The following DPY19L1 variants were observed in gnomAD, a reference collection of about 807,000 sequenced individuals.
DPY19L1 encodes protein C-mannosyl-transferase DPY19L1.
Under a neutral mutation model 96.9 loss-of-function variants are expected in DPY19L1, and 35 were observed. The observed-to-expected ratio is 0.36, with a 90% CI of 0.28 to 0.48. DPY19L1 has a LOEUF of 0.48. Among genes scored for constraint, DPY19L1 ranks in the 20% least tolerant of loss-of-function variants. DPY19L1 has a pLI of 0.99. For synonymous variants in DPY19L1, 205 were observed against 252.6 expected (o/e 0.81, Z 1.79); for missense variants, 521 against 777.9 (o/e 0.67, Z 3.93).
chr7:35,028,295 A>C (rs1441275661), intron 1 of DPY19L1, among the ~76,000 whole-genome samples: 6 of 152,220 alleles, frequency 3.9e-5, no homozygotes, highest in Admixed American at 1.3e-4. Flanking sequence ...AAATCACAAG[A>C]GCATCAAGGA....
Position 34,940,343 on chromosome 7 carries a change from G to T in DPY19L1, c.1690-16C>A, listed in dbSNP as rs1418677972. The stretch of plus-strand genomic sequence containing the variant: ...ATCCAAATAGCTGAAACCAAATTAA[G>T]AATACATTGGTAATTGTTAGTATAA... On this transcript the variant is annotated splice_polypyrimidine_tract_variant and intron_variant, in intron 18 of 21. Coordinates refer to ENST00000638088, the MANE Select transcript of DPY19L1 (RefSeq NM_001366673.1). 8.8e-6 allele frequency: 14 copies of T among 1,598,722 alleles called. No homozygotes were observed. The highest frequency in any genetic ancestry group is 1.1e-5 in the South Asian group (1 of 88,332).
chr7:34,964,759 G>C lies in DPY19L1; in HGVS notation c.1092+2135C>G, dbSNP rs1784575272. Among the ~76,000 whole-genome samples, 3 of 152,270 alleles carry C rather than the reference G, an allele frequency of 2.0e-5. No homozygotes were observed. In the South Asian group the frequency reaches 6.2e-4, roughly 32 times the overall value. On this transcript the variant is annotated intron_variant, in intron 10 of 21. Coordinates refer to ENST00000638088, the MANE Select transcript of DPY19L1 (RefSeq NM_001366673.1). ...GAAGTCAGCTTAAATAGTTGGACAAGTGTGGAACAATTGGAGCATCAACAT... is the reference window on the plus strand; with the variant it reads ...GAAGTCAGCTTAAATAGTTGGACAACTGTGGAACAATTGGAGCATCAACAT...
chr7:35,021,058 T>C (rs971066585), intron 1 of DPY19L1, among the ~76,000 whole-genome samples: 5 of 152,224 alleles, frequency 3.3e-5, no homozygotes, highest in African/African-American at 1.2e-4. Context: ...ATTTTGTTCC[T>C]GTTTTATAAT....
intron 1 of DPY19L1, among the ~76,000 whole-genome samples, chr7:35,026,020 C>CTTAAA (rs1449659189): frequency 6.6e-6 from 1 of 152,082 alleles, no homozygotes; most frequent in Non-Finnish European, 1.5e-5. Flanking sequence ...TCATCAGTGG[C>CTTAAA]ACTAAAGATA....
intron 16 of DPY19L1, among the ~76,000 whole-genome samples, chr7:34,943,499 T>C (rs1216029102): frequency 5.9e-5 from 9 of 152,194 alleles, no homozygotes; most frequent in South Asian, 2.1e-4. Context: ...CATCATGCTG[T>C]CTCTATCCCA....
chr7:34,937,172 C>T (rs575654517), intron 21 of DPY19L1, among the ~76,000 whole-genome samples: 26 of 152,318 alleles, frequency 1.7e-4, no homozygotes, highest in Admixed American at 1.6e-3. Context: ...TGGAGCTATA[C>T]TCAGCTTAGT....
rs1240554096 is a variant in DPY19L1 at position 35,013,701 on chromosome 7, A to T, written c.416T>A (p.Leu139Gln). ...AATAGTCTTGAAATAGGAATAATAT[A>T]GTCCCTGAAATAAAGATATGCTCAA... is the stretch of plus-strand genomic sequence containing the variant. ...REMAFRTEMG[L>Q]YYSYFKTIVE... Residue 139 changes from leucine to glutamine, a missense_variant, in exon 4 of 22, where the codon CTA becomes CAA. Leu to Gln is a moderately radical substitution (Grantham distance 113). Transcript: ENST00000638088. The T allele has an allele frequency of 6.3e-7, 1 of 1,589,678 alleles. No homozygotes were observed. Among genetic ancestry groups the T allele is most frequent in the Non-Finnish European group, 8.6e-7 (1 of 1,166,158 alleles).
intron 1 of DPY19L1, among the ~76,000 whole-genome samples, chr7:35,026,923 A>ATGG (rs1407069733): frequency 6.6e-6 from 1 of 152,184 alleles, no homozygotes; most frequent in Non-Finnish European, 1.5e-5. Flanking sequence ...TTGGCCAGGC[A>ATGG]TGGTGGCTCA....
intron 1 of DPY19L1, among the ~76,000 whole-genome samples, chr7:35,031,922 T>C (rs537349382): frequency 1.3e-5 from 2 of 152,306 alleles, no homozygotes; most frequent in African/African-American, 4.8e-5. Context: ...ATAACCTCTA[T>C]GAATTAACAT....
chr7:35,028,858 C>T (rs1184704312), intron 1 of DPY19L1, among the ~76,000 whole-genome samples: 1 of 152,192 alleles, frequency 6.6e-6, no homozygotes, highest in East Asian at 1.9e-4. Context: ...GACCATATAG[C>T]CTAACTTCCT....
chr7:34,940,113 C>A, intron 19 of DPY19L1, 40 bp downstream of exon 19: 1 of 1,442,790 alleles, frequency 6.9e-7, no homozygotes. Flanking sequence ...GGAAAAACAG[C>A]TAAATAATAT....
chr7:35,035,840 T>C (rs1786382927), intron 1 of DPY19L1, among the ~76,000 whole-genome samples: 1 of 151,866 alleles, frequency 6.6e-6, no homozygotes, highest in South Asian at 2.1e-4. Flanking sequence ...CACTGTATCG[T>C]GCTGCCTCCC....
chr7:34,961,477 C>T (rs543239073), intron 10 of DPY19L1, among the ~76,000 whole-genome samples: 12 of 152,272 alleles, frequency 7.9e-5, no homozygotes, highest in African/African-American at 2.6e-4. Context: ...AGACTTTACA[C>T]CCTTCATGAA....
chr7:34,966,055 G>A (rs1308079926), intron 10 of DPY19L1, among the ~76,000 whole-genome samples: 1 of 151,424 alleles, frequency 6.6e-6, no homozygotes, highest in Non-Finnish European at 1.5e-5. Context: ...TTTTAATAGA[G>A]ATGGGGTCTC....
At chr7:35,025,111 T>G (rs760670518) in intron 1 of DPY19L1, among the ~76,000 whole-genome samples, 8 of 152,220 alleles carry the variant, frequency 5.3e-5, no homozygotes, top group African/African-American at 7.2e-5. Context: ...AAGCCCAGTT[T>G]CTGTATAGCG....
At chr7:34,939,547 T>C (rs718812) in intron 19 of DPY19L1, among the ~76,000 whole-genome samples, 172 bp from the exon 20 acceptor site, 42,666 of 152,190 alleles carry the variant, frequency 0.28, 6,185 homozygotes, top group Non-Finnish European at 0.33. Context: ...AAAGTAGCAG[T>C]TGGCAGCCAG....
chr7:34,936,223 C>T (rs1303106887), intron 21 of DPY19L1, among the ~76,000 whole-genome samples: 1 of 152,004 alleles, frequency 6.6e-6, no homozygotes, highest in African/African-American at 2.4e-5. Flanking sequence ...CTGAATTTGC[C>T]TTCATATCCC....
chr7:35,023,356 T>C (rs1195147085), intron 1 of DPY19L1, among the ~76,000 whole-genome samples: 1 of 152,172 alleles, frequency 6.6e-6, no homozygotes, highest in Non-Finnish European at 1.5e-5. Flanking sequence ...CTGTCCTTTC[T>C]CTTTCTCCTC....
intron 1 of DPY19L1, among the ~76,000 whole-genome samples, chr7:35,035,132 G>C (rs915217358): frequency 2.0e-5 from 3 of 152,164 alleles, no homozygotes; most frequent in African/African-American, 7.2e-5. Context: ...ATCTCTCAAG[G>C]TGCCCTGGGG....
Sources: gnomAD v4.1 joint callset for allele counts (sites outside exome capture counted in the v4.1 genomes callset) on GRCh38, gnomAD v4.1.1 for gene constraint, MANE v1.5 for transcripts, NCBI Gene and HGNC (gene_info 2026-07-23, HGNC 2026-07-21) for gene names.